The following IFI44 variants were observed in gnomAD, a reference collection of about 807,000 sequenced individuals.
The protein encoded by IFI44 is interferon-induced protein 44.
In IFI44, 42 loss-of-function variants were observed where a neutral mutation model predicts 45.0. The observed-to-expected ratio is 0.93, with a 90% CI of 0.73 to 1.21. IFI44 has a LOEUF of 1.21. Among genes scored for constraint, IFI44 ranks in the 50% most tolerant of loss-of-function variants. IFI44 has a pLI of 0.00. For missense variants in IFI44, 623 were observed against 525.8 expected (o/e 1.18, Z -1.81); for synonymous variants, 221 against 188.6 (o/e 1.17, Z -1.41).
chr1:78,655,628 A>T, intron 5 of IFI44, 117 bp downstream of exon 5: 1 of 908,524 alleles, frequency 1.1e-6, no homozygotes, highest in Non-Finnish European at 1.6e-6. Flanking sequence ...TCTCTTTTAG[A>T]TTTTTTTTTT....
At chr1:78,655,536 A>T in intron 5 of IFI44, 25 bp downstream of exon 5, 5 of 1,572,894 alleles carry the variant, frequency 3.2e-6, no homozygotes, top group Non-Finnish European at 4.3e-6. Flanking sequence ...ATGAGAAATT[A>T]TAACTGATTT....
intron 5 of IFI44, among the ~76,000 whole-genome samples, chr1:78,657,541 A>G (rs536577247): frequency 3.4e-4 from 52 of 152,228 alleles, no homozygotes; most frequent in South Asian, 3.1e-3. Flanking sequence ...GTGTTAATCA[A>G]TGTTTAATTC....
Position 78,662,828 on chromosome 1 carries a change from T to C in IFI44, c.1238T>C (p.Met413Thr), listed in dbSNP as rs199987579. The C allele has an allele frequency of 1.3e-5, 21 of 1,613,880 alleles. No homozygotes were observed. The highest frequency in any genetic ancestry group is 1.5e-5 in the Non-Finnish European group (18 of 1,179,880). The change falls in exon 8 of 9, where the codon ATG becomes ACG. Residue 413 changes from methionine (M) to threonine (T), a missense_variant. Physicochemically the swap from Met to Thr is moderately conservative, Grantham distance 81 (BLOSUM62 -1). Transcript: ENST00000370747. ...CTAATTCTTTCTGCTCTGAGACGAA[T>C]GCTATGGGCTGCAGATGACTTCTTA... ...DVLILSALRR[M>T]LWAADDFLED...
At chr1:78,659,532 A>G in intron 6 of IFI44, 49 bp downstream of exon 6, 1 of 1,422,488 alleles carries the variant, frequency 7.0e-7, no homozygotes, top group African/African-American at 1.4e-5. Context: ...AGGGTAATTG[A>G]CTAGACTGTA....
rs1647191750 is a variant in IFI44 at position 78,655,439 on chromosome 1, T to A, written c.768T>A (p.Ser256Arg). 1 of 1,613,536 alleles carries A rather than the reference T, an allele frequency of 6.2e-7. No homozygotes were observed. The highest frequency in any genetic ancestry group is 1.1e-5 in the South Asian group (1 of 91,074). The change falls in exon 5 of 9, where the codon AGT becomes AGA. Residue 256 changes from serine to arginine, a missense_variant. Ser to Arg is a moderately radical substitution (Grantham distance 110). Transcript: ENST00000370747. ...PFILCDSLGL[S>R]EKEGGLCRDD... is the part of the protein sequence containing the mutation. ...TTCTGTGTGACTCACTGGGGCTGAG[T>A]GAGAAAGAAGGCGGCCTGTGCAGGG...
rs983599545 is a variant in IFI44 at position 78,663,983 on chromosome 1, T to C, written c.*172T>C. On this transcript the variant is annotated 3_prime_UTR_variant, in exon 9 of 9. Coordinates refer to ENST00000370747, the MANE Select transcript of IFI44 (RefSeq NM_006417.5). Reference sequence around the variant, plus strand: ...TACTTGTAAATAACTAGAAATAACATGATTTAGTCATAATTGTGAAAAATA... The same window carrying C: ...TACTTGTAAATAACTAGAAATAACACGATTTAGTCATAATTGTGAAAAATA... 1 of 441,790 alleles carries C rather than the reference T, an allele frequency of 2.3e-6. No individual in the cohort carries two copies. The highest frequency in any genetic ancestry group is 6.0e-4 in the Middle Eastern group (1 of 1,672). The allele number at this position is 441,790 out of a possible 1,614,324, so 27.4% of individuals were successfully genotyped here.
rs145927468 is a variant in IFI44 at position 78,655,115 on chromosome 1, A to C, written c.596A>C (p.Lys199Thr). The C allele has an allele frequency of 3.7e-6, 6 of 1,613,794 alleles. No individual in the cohort carries two copies. Among genetic ancestry groups the C allele is most frequent in the Non-Finnish European group, 4.2e-6 (5 of 1,179,860 alleles). ...CTGCTGGGTCCAATTGGAGCTGGGAAGTCCAGCTTTTTCAACTCAGTGAGG... is the reference window on the plus strand; with the variant it reads ...CTGCTGGGTCCAATTGGAGCTGGGACGTCCAGCTTTTTCAACTCAGTGAGG... The part of the protein sequence containing the change: ...ILLLGPIGAG[K>T]SSFFNSVRSV... Residue 199 changes from lysine (K) to threonine (T), a missense_variant, in exon 4 of 9, where the codon AAG becomes ACG. Lys to Thr is a moderately conservative substitution (Grantham distance 78). Coordinates refer to ENST00000370747, the MANE Select transcript of IFI44 (RefSeq NM_006417.5).
chr1:78,663,254 C>T (rs950758883), intron 8 of IFI44: 134 of 985,110 alleles, frequency 1.4e-4, no homozygotes, highest in Non-Finnish European at 1.5e-4. Context: ...CAGATGAGAC[C>T]TTTGATTATT....
chr1:78,652,271 C>A (rs1270680058), intron 2 of IFI44, among the ~76,000 whole-genome samples: 3 of 152,072 alleles, frequency 2.0e-5, no homozygotes, highest in African/African-American at 7.2e-5. Flanking sequence ...TTAATAGAGA[C>A]AGGGTTTCAC....
chr1:78,651,290 C>T (rs1030487280), intron 2 of IFI44, among the ~76,000 whole-genome samples: 2 of 152,166 alleles, frequency 1.3e-5, no homozygotes, highest in African/African-American at 2.4e-5. Flanking sequence ...TTTCCTGCAA[C>T]TAAACGGTCC....
chr1:78,652,434 A>G (rs914465751), intron 2 of IFI44, among the ~76,000 whole-genome samples: 2 of 152,210 alleles, frequency 1.3e-5, no homozygotes, highest in African/African-American at 4.8e-5. Flanking sequence ...CCTGTTAAGG[A>G]CGTTCAAGAG....
chr1:78,656,033 T>A (rs1264942813), intron 5 of IFI44, among the ~76,000 whole-genome samples: 2 of 152,172 alleles, frequency 1.3e-5, no homozygotes, highest in Non-Finnish European at 2.9e-5. Context: ...AGATGATCTC[T>A]TTCTGTCATG....
intron 5 of IFI44, among the ~76,000 whole-genome samples, chr1:78,657,153 A>G (rs542377871): frequency 6.6e-6 from 1 of 151,982 alleles, no homozygotes; most frequent in Non-Finnish European, 1.5e-5. Context: ...AAAATTTACA[A>G]TCATTCCATA....
chr1:78,662,250 G>A (rs978324176), intron 7 of IFI44, among the ~76,000 whole-genome samples: 1 of 152,132 alleles, frequency 6.6e-6, no homozygotes, highest in Non-Finnish European at 1.5e-5. Flanking sequence ...TTTTACAAGT[G>A]AGGAAACAAA....
intron 2 of IFI44, among the ~76,000 whole-genome samples, chr1:78,651,887 G>C (rs1647129880): frequency 6.6e-6 from 1 of 152,232 alleles, no homozygotes; most frequent in East Asian, 1.9e-4. Flanking sequence ...AGAAACCTAA[G>C]AAAAGGCAGA....
chr1:78,655,563 TG>T, intron 5 of IFI44, 52 bp downstream of exon 5: 8 of 1,458,346 alleles, frequency 5.5e-6, no homozygotes, highest in Non-Finnish European at 6.6e-6. Flanking sequence ...TGCTTATTTT[TG>T]TACAAATGTA....
Position 78,663,494 on chromosome 1 carries a change from A to G in IFI44, c.1289-271A>G, listed in dbSNP as rs536623780. Reference sequence around the variant, plus strand: ...TTTGACAGAGGTTTCAGTTTAGTATACTCAAATCTTATTTTAGTGCTTGGG... The same window carrying G: ...TTTGACAGAGGTTTCAGTTTAGTATGCTCAAATCTTATTTTAGTGCTTGGG... On this transcript the variant is annotated intron_variant, in intron 8 of 8. Transcript: ENST00000370747. 9.5e-5 allele frequency: 94 copies of G among 985,172 alleles called. No individual in the cohort carries two copies. In the African/African-American group the frequency reaches 1.6e-3, roughly 16 times the overall value. 61.0% of individuals were successfully genotyped at this position (985,172 alleles called of 1,614,324 possible).
intron 5 of IFI44, among the ~76,000 whole-genome samples, chr1:78,656,025 A>G (rs1209181449): frequency 6.6e-6 from 1 of 152,192 alleles, no homozygotes; most frequent in Non-Finnish European, 1.5e-5. Context: ...CATAAGAAAG[A>G]TGATCTCTTT....
chr1:78,663,189 A>T, intron 8 of IFI44: 3 of 985,140 alleles, frequency 3.0e-6, no homozygotes, highest in Non-Finnish European at 3.6e-6. Context: ...CTTTTCTCAG[A>T]CTATGTTTCT....
Sources: gnomAD v4.1 joint callset for allele counts (sites outside exome capture counted in the v4.1 genomes callset) on GRCh38, gnomAD v4.1.1 for gene constraint, MANE v1.5 for transcripts, NCBI Gene and HGNC (gene_info 2026-07-23, HGNC 2026-07-21) for gene names.